Variants in FANCM observed in about 807,000 individuals in gnomAD.
FANCM encodes the protein Fanconi anemia group M protein.
Under a neutral mutation model 199.5 loss-of-function variants are expected in FANCM, and 140 were observed. The ratio of observed to expected loss-of-function variants is 0.70; its 90% CI spans 0.61 to 0.81. FANCM has a LOEUF of 0.81. FANCM is among the 30% of genes least tolerant of loss of function. The probability of loss-of-function intolerance (pLI) is 0.00; values close to 1 mark genes in which losing one functional copy is unlikely to be tolerated. For synonymous variants in FANCM, 840 were observed against 836.8 expected, an observed-to-expected ratio of 1.00 and a Z score of -0.07; for missense variants, 2,410 against 2,421.4, an observed-to-expected ratio of 1.00 and a Z score of 0.10.
intron 18 of FANCM, among the ~76,000 whole-genome samples, chr14:45,186,981 A>G (rs113515489): frequency 1.3e-5 from 2 of 152,326 alleles, no homozygotes; most frequent in African/African-American, 2.4e-5. Context: ...CTACCAAGAT[A>G]GTAGCACTGA....
At chr14:45,157,216 G>T (rs949718912) in intron 8 of FANCM, among the ~76,000 whole-genome samples, 1 of 152,094 alleles carries the variant, frequency 6.6e-6, no homozygotes, top group Non-Finnish European at 1.5e-5. Context: ...TGTCAAGTAG[G>T]CATTAGATAA....
chr14:45,197,989 G>A (rs765555955), intron 21 of FANCM, among the ~76,000 whole-genome samples: 40 of 151,002 alleles, frequency 2.6e-4, no homozygotes, highest in Non-Finnish European at 4.9e-4. Context: ...GGATGGTCTC[G>A]ATTTCTTGAC....
In FANCM at chr14:45,176,177, TACAGAGTTCG is replaced by T; in HGVS notation, c.3426_3435del (p.Glu1143MetfsTer2). The T allele has an allele frequency of 6.2e-7, 1 of 1,614,140 alleles. No homozygotes were observed. Reference sequence around the variant, plus strand: ...GTTTGCTGTTATTTGAAGATGTTAATACAGAGTTCGACGATGTGAGTCTTTCACCCTTGAA... The same window carrying T: ...GTTTGCTGTTATTTGAAGATGTTAATACGATGTGAGTCTTTCACCCTTGAA... On this transcript the variant is annotated frameshift_variant, in exon 14 of 23. Coordinates refer to ENST00000267430, the MANE Select transcript of FANCM (RefSeq NM_020937.4). LOFTEE classifies it high-confidence loss of function.
At chr14:45,195,211 C>G (rs1889991083) in intron 20 of FANCM, among the ~76,000 whole-genome samples, 1 of 152,160 alleles carries the variant, frequency 6.6e-6, no homozygotes, top group African/African-American at 2.4e-5. Flanking sequence ...CAGTTTCATA[C>G]ATTCATATAG....
At chr14:45,195,995 A>C (rs1430484335) in intron 20 of FANCM, among the ~76,000 whole-genome samples, 177 bp from the exon 21 acceptor site, 11 of 152,004 alleles carry the variant, frequency 7.2e-5, no homozygotes, top group African/African-American at 2.4e-4. Flanking sequence ...ATAGCTTTAG[A>C]ATTTTTTGAG....
chr14:45,154,672 G>T (rs1244419682), intron 6 of FANCM, 25 bp from the exon 7 acceptor site: 4 of 1,493,816 alleles, frequency 2.7e-6, no homozygotes, highest in South Asian at 1.2e-5. Context: ...TTATTTATTT[G>T]AAAACCTTTT....
chr14:45,142,546 TC>T (rs1257470887), intron 3 of FANCM, among the ~76,000 whole-genome samples: 2 of 151,978 alleles, frequency 1.3e-5, no homozygotes, highest in Non-Finnish European at 2.9e-5. Context: ...GACCTCGTGA[TC>T]CACCCGCCCC....
intron 11 of FANCM, among the ~76,000 whole-genome samples, chr14:45,169,735 C>A (rs762629687): frequency 1.3e-5 from 2 of 152,242 alleles, no homozygotes; most frequent in East Asian, 3.9e-4. Flanking sequence ...TTTTTCTGCT[C>A]TCATCTGTAT....
intron 3 of FANCM, among the ~76,000 whole-genome samples, chr14:45,148,583 C>T (rs1200662189): frequency 6.6e-6 from 1 of 152,086 alleles, no homozygotes; most frequent in East Asian, 1.9e-4. Context: ...TGGACATTTA[C>T]AAATATTCTT....
intron 20 of FANCM, among the ~76,000 whole-genome samples, chr14:45,190,054 T>TTG (rs1889671591): frequency 6.6e-6 from 1 of 152,158 alleles, no homozygotes; most frequent in Non-Finnish European, 1.5e-5. Context: ...GTCCTTTTTA[T>TTG]TGGGTAAAGG....
Position 45,149,045 on chromosome 14 carries a change from G to A in FANCM, c.918+50G>A, listed in dbSNP as rs1431606592. ...GGATTTCATAAATAAACTGGTAATTGAATTATTTCAGCTAACAGGATTTGG... is the reference window on the plus strand; with the variant it reads ...GGATTTCATAAATAAACTGGTAATTAAATTATTTCAGCTAACAGGATTTGG... On this transcript the variant is annotated intron_variant, in intron 4 of 22. Transcript: ENST00000267430. 5.3e-6 allele frequency: 7 copies of A among 1,331,798 alleles called. No individual in the cohort carries two copies. The Admixed American group carries it at 1.2e-4, about 23-fold the overall frequency. 82.5% of individuals were successfully genotyped at this position (1,331,798 alleles called of 1,614,324 possible).
intron 20 of FANCM, among the ~76,000 whole-genome samples, chr14:45,191,054 T>C (rs1889737235): frequency 6.6e-6 from 1 of 152,152 alleles, no homozygotes; most frequent in South Asian, 2.1e-4. Flanking sequence ...TTTGTATAAT[T>C]CCTTATAAAT....
chr14:45,169,038 C>T (rs536322197), intron 11 of FANCM, among the ~76,000 whole-genome samples: 13 of 152,166 alleles, frequency 8.5e-5, no homozygotes, highest in Admixed American at 3.9e-4. Flanking sequence ...TCTCCTGCCT[C>T]AGCCTCCCAA....
intron 21 of FANCM, chr14:45,198,294 CTAAGA>C (rs1490480569): frequency 6.0e-6 from 1 of 165,874 alleles, no homozygotes; most frequent in Non-Finnish European, 1.3e-5. Context: ...GAATAAATAC[CTAAGA>C]TAATTTTATA....
chr14:45,194,021 G>A (rs1374143620), intron 20 of FANCM, among the ~76,000 whole-genome samples: 1 of 151,926 alleles, frequency 6.6e-6, no homozygotes, highest in Non-Finnish European at 1.5e-5. Flanking sequence ...CAAATTCCAG[G>A]CCAGGCATGG....
rs1843383734 is a variant in FANCM at position 45,140,637 on chromosome 14, A to G, written c.687A>G (p.Val229=). The stretch of plus-strand genomic sequence containing the variant: ...AGAACTTTTTTTTTCTTAAGGTTGT[A>G]AGAGAACTAGTCAAATATACAAATC... ...ALGNYAYCQV[V]RELVKYTNHF... The change falls in exon 3 of 23, where the codon GTA becomes GTG. Residue 229 remains valine (V), a synonymous_variant. Transcript: ENST00000267430. 1.9e-6 allele frequency: 3 copies of G among 1,582,824 alleles called. No individual in the cohort carries two copies. The South Asian group carries it at 3.3e-5, about 18-fold the overall frequency.
chr14:45,159,324 A>G (rs778051908), intron 9 of FANCM, 44 bp downstream of exon 9: 1 of 1,421,494 alleles, frequency 7.0e-7, no homozygotes, highest in South Asian at 1.2e-5. Context: ...AAGATTGATT[A>G]GCTTTGCACT....
At chr14:45,161,182 TATCA>T (rs1430566470) in intron 9 of FANCM, among the ~76,000 whole-genome samples, 1 of 152,226 alleles carries the variant, frequency 6.6e-6, no homozygotes, top group East Asian at 1.9e-4. Flanking sequence ...TTACTGACTT[TATCA>T]TTTACTCATT....
intron 3 of FANCM, among the ~76,000 whole-genome samples, chr14:45,147,243 C>A (rs1470608171): frequency 6.6e-6 from 1 of 152,024 alleles, no homozygotes; most frequent in East Asian, 1.9e-4. Context: ...TGATTCTTGC[C>A]CCAGGCTGTT....
Sources: gnomAD v4.1 joint callset for allele counts (sites outside exome capture counted in the v4.1 genomes callset) on GRCh38, gnomAD v4.1.1 for gene constraint, MANE v1.5 for transcripts, NCBI Gene and HGNC (gene_info 2026-07-23, HGNC 2026-07-21) for gene names.